The following SNX6 variants were observed in gnomAD, a reference collection of about 807,000 sequenced individuals.
The protein encoded by SNX6 is sorting nexin 6.
A neutral mutation model predicts 63.0 loss-of-function variants in SNX6; 34 were observed. The ratio of observed to expected loss-of-function variants is 0.54; its 90% confidence interval spans 0.41 to 0.72. The LOEUF is 0.72. SNX6 is among the 30% of genes least tolerant of loss of function. SNX6 has a pLI of 0.00. For synonymous variants in SNX6, 170 were observed against 164.2 expected (o/e 1.04, Z -0.27); for missense variants, 398 against 471.4 (o/e 0.84, Z 1.44).
At chr14:34,629,705 G>C in intron 2 of SNX6, 1 of 861,528 alleles carries the variant, frequency 1.2e-6, no homozygotes, top group Non-Finnish European at 1.8e-6. Flanking sequence ...AGCGGCCGCG[G>C]GTCCCCGGGA....
At chr14:34,570,969 C>T (rs562540502) in intron 11 of SNX6, among the ~76,000 whole-genome samples, 1 of 143,530 alleles carries the variant, frequency 7.0e-6, no homozygotes, top group South Asian at 2.2e-4. Context: ...GTGATCCGGC[C>T]CCCTTGGCTT....
chr14:34,622,812 C>A (rs58688462), intron 2 of SNX6, among the ~76,000 whole-genome samples: 7 of 152,012 alleles, frequency 4.6e-5, no homozygotes, highest in African/African-American at 1.7e-4. Flanking sequence ...CAGCTCCTAC[C>A]GGCTGTATGA....
rs371386445 is a variant in SNX6, at chr14:34,574,952, C to T, written c.921+804G>A. ...TGTTGCCCAGGCTGCAGTGCAATGG[C>T]GTGATATCTGCTCACTGCAACCTCC... On this transcript the variant is annotated intron_variant, in intron 11 of 13. Transcript: ENST00000362031. Among the ~76,000 whole-genome samples, 76 of 151,662 alleles carry T rather than the reference C, an allele frequency of 5.0e-4. No homozygotes were observed. The East Asian group carries it at 9.9e-3, about 20-fold the overall frequency.
intron 8 of SNX6, among the ~76,000 whole-genome samples, chr14:34,590,872 T>C (rs1210795702): frequency 6.6e-6 from 1 of 152,202 alleles, no homozygotes; most frequent in Non-Finnish European, 1.5e-5. Flanking sequence ...ATCCATTCAA[T>C]GGAACACTAC....
chr14:34,575,239 C>T (rs1438761811), intron 11 of SNX6, among the ~76,000 whole-genome samples: 1 of 149,478 alleles, frequency 6.7e-6, no homozygotes. Context: ...GCTCCTGTTG[C>T]CCAGGCTGGA....
intron 2 of SNX6, among the ~76,000 whole-genome samples, chr14:34,626,668 C>CCAAAAA (rs760447379): frequency 1.6e-5 from 2 of 126,558 alleles, no homozygotes; most frequent in African/African-American, 6.1e-5. Context: ...GACTCCATTT[C>CCAAAAA]AAAAAAAAAA....
intron 2 of SNX6, 116 bp downstream of exon 2, chr14:34,629,791 G>A: frequency 1.4e-6 from 2 of 1,453,872 alleles, no homozygotes; most frequent in Non-Finnish European, 9.3e-7. Flanking sequence ...ACCGAAAGGA[G>A]GACTACGGGG....
intron 2 of SNX6, chr14:34,629,620 C>T (rs1430026897): frequency 1.5e-6 from 1 of 665,744 alleles, no homozygotes; most frequent in Admixed American, 2.1e-5. Flanking sequence ...TCCATTTCCA[C>T]TTCGCCACCT....
chr14:34,585,202 A>C (rs1882104425), intron 9 of SNX6, among the ~76,000 whole-genome samples: 1 of 152,128 alleles, frequency 6.6e-6, no homozygotes, highest in African/African-American at 2.4e-5. Flanking sequence ...GTTTTGACAA[A>C]AATATTCCAA....
intron 10 of SNX6, among the ~76,000 whole-genome samples, chr14:34,580,259 G>A (rs1245886471): frequency 6.6e-6 from 1 of 152,178 alleles, no homozygotes; most frequent in African/African-American, 2.4e-5. Flanking sequence ...AGGCAGCTGA[G>A]GAGATGAGGA....
intron 13 of SNX6, among the ~76,000 whole-genome samples, chr14:34,565,027 G>A (rs1038978915): frequency 1.1e-4 from 17 of 151,366 alleles, no homozygotes; most frequent in Middle Eastern, 3.5e-3. Flanking sequence ...TTTTACTTAC[G>A]GATACTTAAA....
intron 13 of SNX6, among the ~76,000 whole-genome samples, chr14:34,566,224 C>G (rs1298521034): frequency 6.6e-6 from 1 of 152,182 alleles, no homozygotes; most frequent in Non-Finnish European, 1.5e-5. Context: ...ACAAAAACAG[C>G]AAATGTTAAA....
intron 9 of SNX6, among the ~76,000 whole-genome samples, chr14:34,582,805 A>C (rs577616115): frequency 6.6e-6 from 1 of 151,520 alleles, no homozygotes; most frequent in African/African-American, 2.4e-5. Flanking sequence ...GGCCTCCCAA[A>C]GTGCTGGGAT....
chr14:34,617,018 G>T (rs1883441285), intron 2 of SNX6, among the ~76,000 whole-genome samples: 1 of 152,066 alleles, frequency 6.6e-6, no homozygotes, highest in Non-Finnish European at 1.5e-5. Flanking sequence ...GGAGGCGGAG[G>T]CTGCAGTGAG....
At chr14:34,588,796 G>C (rs1427031314) in intron 8 of SNX6, among the ~76,000 whole-genome samples, 1 of 152,146 alleles carries the variant, frequency 6.6e-6, no homozygotes, top group Non-Finnish European at 1.5e-5. Context: ...GCAGGCCCTT[G>C]TGTTGAAAAA....
intron 9 of SNX6, among the ~76,000 whole-genome samples, chr14:34,584,487 G>A (rs1022494278): frequency 5.3e-5 from 8 of 151,400 alleles, no homozygotes; most frequent in Admixed American, 1.3e-4. Flanking sequence ...TAGAGAACAC[G>A]CCACTGCACT....
chr14:34,572,977 T>C (rs8018552), intron 11 of SNX6, among the ~76,000 whole-genome samples: 133,698 of 151,916 alleles, frequency 0.88, 58,936 homozygotes, highest in Non-Finnish European at 0.89. Flanking sequence ...CCACCGCACC[T>C]GGCCTCGTGT....
At chr14:34,570,062 GTTTT>G (rs535291142) in intron 11 of SNX6, among the ~76,000 whole-genome samples, 4 of 148,996 alleles carry the variant, frequency 2.7e-5, no homozygotes, top group South Asian at 4.2e-4. Context: ...TTTTTTTGGG[GTTTT>G]TTTTTTTGTT....
At chr14:34,603,293 AAAAG>A in intron 6 of SNX6, 51 bp downstream of exon 6, 11 of 1,542,056 alleles carry the variant, frequency 7.1e-6, no homozygotes, top group African/African-American at 1.4e-5. Context: ...CTCAAAAAAA[AAAAG>A]AAGAAGAAGA....
Sources: gnomAD v4.1 joint callset for allele counts (sites outside exome capture counted in the v4.1 genomes callset) on GRCh38, gnomAD v4.1.1 for gene constraint, MANE v1.5 for transcripts, NCBI Gene and HGNC (gene_info 2026-07-23, HGNC 2026-07-21) for gene names.